Variants in NRCAM observed in about 807,000 individuals in gnomAD.
NRCAM encodes NgCAM-related cell adhesion molecule.
Under a neutral mutation model 156.5 loss-of-function variants are expected in NRCAM, and 83 were observed. The ratio of observed to expected loss-of-function variants is 0.53; its 90% CI spans 0.44 to 0.64. The LOEUF is 0.64. NRCAM is among the 30% of genes least tolerant of loss of function. NRCAM has a pLI of 0.00. For missense variants in NRCAM, 1,417 were observed against 1,597.3 expected (o/e 0.89, Z 1.92); for synonymous variants, 538 against 563.9 (o/e 0.95, Z 0.65).
At chr7:108,344,339 G>T (rs2099328405) in intron 2 of NRCAM, among the ~76,000 whole-genome samples, 2 of 152,128 alleles carry the variant, frequency 1.3e-5, no homozygotes, top group South Asian at 4.2e-4. Context: ...AGGAGGTAAA[G>T]AAATAGCCAA....
At chr7:108,248,357 A>C (rs111503435) in intron 3 of NRCAM, among the ~76,000 whole-genome samples, 6 of 152,068 alleles carry the variant, frequency 3.9e-5, no homozygotes, top group Non-Finnish European at 7.4e-5. Context: ...ATGCTTGCTG[A>C]ATGGTATGAA....
At chr7:108,279,300 T>C (rs1384465511) in intron 3 of NRCAM, among the ~76,000 whole-genome samples, 1 of 152,218 alleles carries the variant, frequency 6.6e-6, no homozygotes, top group African/African-American at 2.4e-5. Context: ...GTGAAAATAT[T>C]TGACATTTTT....
chr7:108,298,475 C>T (rs1364155217), intron 3 of NRCAM, among the ~76,000 whole-genome samples: 1 of 137,740 alleles, frequency 7.3e-6, no homozygotes. Flanking sequence ...GAAACCCCGT[C>T]TGTAATAAAA....
intron 18 of NRCAM, among the ~76,000 whole-genome samples, 166 bp downstream of exon 18, chr7:108,191,563 C>T (rs2071554648): frequency 6.6e-6 from 1 of 152,202 alleles, no homozygotes; most frequent in Non-Finnish European, 1.5e-5. Flanking sequence ...TCTATTTATA[C>T]TGAAATTATT....
chr7:108,178,558 G>T lies in NRCAM; in HGVS notation c.2852-446C>A, dbSNP rs566912862. Among the ~76,000 whole-genome samples, 4 of 152,294 alleles carry T rather than the reference G, an allele frequency of 2.6e-5. No individual in the cohort carries two copies. The East Asian group carries it at 7.7e-4, about 29-fold the overall frequency. On this transcript the variant is annotated intron_variant, in intron 25 of 32. Transcript: ENST00000379028. ...TCCAAACAGTCAGAATGCCCTGCCT[G>T]CTGGGCTTTGGGCCAGCATGCCCAG...
chr7:108,259,737 G>A (rs902635603), intron 3 of NRCAM, among the ~76,000 whole-genome samples: 42 of 152,190 alleles, frequency 2.8e-4, no homozygotes, highest in Admixed American at 6.5e-5. Flanking sequence ...GTAAACTACT[G>A]CAGGAACAGA....
At chr7:108,456,687 C>G (rs1008437355), upstream of NRCAM, 3 of 152,200 alleles carry the variant, frequency 2.0e-5, no homozygotes, top group Admixed American at 2.0e-4. Context: ...GCCGCCCCAC[C>G]GCCAACCTCC....
chr7:108,239,891 C>A, intron 4 of NRCAM, 68 bp downstream of exon 4: 1 of 967,830 alleles, frequency 1.0e-6, no homozygotes, highest in South Asian at 1.4e-5. Context: ...TCACGCAGTT[C>A]AGAGTGATGA....
chr7:108,176,617 G>T lies in NRCAM; in HGVS notation c.2975-11C>A. On this transcript the variant is annotated splice_polypyrimidine_tract_variant and intron_variant, in intron 26 of 32. Coordinates refer to ENST00000379028, the MANE Select transcript of NRCAM (RefSeq NM_001037132.4). ...CATGTGTGCTGTTAACTGTCAATAA[G>T]AAATAATGAACAAGTGCATTCTCCA... The T allele has an allele frequency of 6.2e-7, 1 of 1,600,064 alleles. No individual in the cohort carries two copies. The highest frequency in any genetic ancestry group is 1.3e-5 in the African/African-American group (1 of 74,396).
chr7:108,311,406 C>T (rs1422403349), intron 3 of NRCAM, among the ~76,000 whole-genome samples: 1 of 152,042 alleles, frequency 6.6e-6, no homozygotes, highest in Non-Finnish European at 1.5e-5. Flanking sequence ...GAGAGGGGTA[C>T]ATAAAAACTA....
chr7:108,251,616 C>G (rs1331840076), intron 3 of NRCAM, among the ~76,000 whole-genome samples: 4 of 152,214 alleles, frequency 2.6e-5, no homozygotes, highest in African/African-American at 9.6e-5. Flanking sequence ...TCCTTTGAGG[C>G]TGCTGGTTGT....
chr7:108,254,291 T>A (rs369140951), intron 3 of NRCAM, among the ~76,000 whole-genome samples: 1 of 152,184 alleles, frequency 6.6e-6, no homozygotes, highest in Admixed American at 6.5e-5. Context: ...AATAAAAAGA[T>A]GGACAAAAAT....
At chr7:108,224,311 G>C (rs1193522611) in intron 10 of NRCAM, among the ~76,000 whole-genome samples, 2 of 152,040 alleles carry the variant, frequency 1.3e-5, no homozygotes, top group Non-Finnish European at 2.9e-5. Context: ...CAACATTATA[G>C]CCAATACCAC....
intron 2 of NRCAM, among the ~76,000 whole-genome samples, chr7:108,356,905 T>G (rs2099506577): frequency 6.6e-6 from 1 of 152,194 alleles, no homozygotes; most frequent in Non-Finnish European, 1.5e-5. Context: ...GGGAAGTATT[T>G]AGGTCATGAG....
At chr7:108,423,436 G>T (rs989035459) in intron 1 of NRCAM, among the ~76,000 whole-genome samples, 1 of 151,878 alleles carries the variant, frequency 6.6e-6, no homozygotes, top group Non-Finnish European at 1.5e-5. Flanking sequence ...AAAGGAAGAG[G>T]CACACATAAA....
intron 3 of NRCAM, among the ~76,000 whole-genome samples, chr7:108,267,566 A>C (rs1053616872): frequency 2.0e-5 from 3 of 152,238 alleles, no homozygotes; most frequent in Non-Finnish European, 4.4e-5. Context: ...ACCCCAAAAA[A>C]GCCCACTTAA....
At chr7:108,350,441 GCTGAGTTGATGTCTCAGT>G (rs1350687284) in intron 2 of NRCAM, among the ~76,000 whole-genome samples, 4 of 152,176 alleles carry the variant, frequency 2.6e-5, no homozygotes, top group African/African-American at 9.6e-5. Flanking sequence ...TGACACATTG[GCTGAGTTGATGTCTCAGT>G]CAATGACCAA....
intron 11 of NRCAM, among the ~76,000 whole-genome samples, chr7:108,218,283 A>G (rs907278541): frequency 3.3e-5 from 5 of 151,854 alleles, no homozygotes; most frequent in Admixed American, 6.6e-5. Flanking sequence ...ACCAGTCCCA[A>G]TGAGATGAAC....
At chr7:108,180,960 C>T (rs1219527264) in intron 24 of NRCAM, among the ~76,000 whole-genome samples, 1 of 152,154 alleles carries the variant, frequency 6.6e-6, no homozygotes, top group Non-Finnish European at 1.5e-5. Flanking sequence ...CACAGGGGAT[C>T]CTCCACTGAA....
Sources: gnomAD v4.1 joint callset for allele counts (sites outside exome capture counted in the v4.1 genomes callset) on GRCh38, gnomAD v4.1.1 for gene constraint, MANE v1.5 for transcripts, NCBI Gene and HGNC (gene_info 2026-07-23, HGNC 2026-07-21) for gene names.